Variants in HCN1 observed in about 807,000 individuals in gnomAD.
HCN1 encodes the protein hyperpolarization activated cyclic nucleotide gated potassium channel 1.
A neutral mutation model predicts 78.9 loss-of-function variants in HCN1; 13 were observed. The ratio of observed to expected loss-of-function variants is 0.16; its 90% confidence interval spans 0.11 to 0.26. The LOEUF (loss-of-function observed/expected upper bound fraction) is 0.26, where lower values mean the gene tolerates loss of function less well. Among genes scored for constraint, HCN1 ranks in the 10% least tolerant of loss-of-function variants. HCN1 has a pLI of 1.00. For synonymous variants in HCN1, 552 were observed against 455.5 expected, an observed-to-expected ratio of 1.21 and a Z score of -2.70; for missense variants, 810 against 1,154.3, an observed-to-expected ratio of 0.70 and a Z score of 4.32.
intron 2 of HCN1, among the ~76,000 whole-genome samples, chr5:45,499,563 C>G (rs1436964956): frequency 6.6e-6 from 1 of 152,200 alleles, no homozygotes; most frequent in Non-Finnish European, 1.5e-5. Flanking sequence ...GTCGCTTACG[C>G]TGGGAGCTGT....
intron 1 of HCN1, among the ~76,000 whole-genome samples, chr5:45,679,721 TA>T (rs1391315698): frequency 6.6e-6 from 1 of 152,100 alleles, no homozygotes; most frequent in Admixed American, 6.6e-5. Flanking sequence ...AGTAGATATT[TA>T]AAAAATCACA....
intron 6 of HCN1, among the ~76,000 whole-genome samples, chr5:45,298,850 C>T (rs1399720599): frequency 6.6e-6 from 1 of 151,954 alleles, no homozygotes; most frequent in Non-Finnish European, 1.5e-5. Flanking sequence ...AGATGTCTGA[C>T]AAACCCTAAC....
intron 2 of HCN1, among the ~76,000 whole-genome samples, chr5:45,489,005 G>A (rs538418854): frequency 3.9e-5 from 6 of 152,208 alleles, no homozygotes; most frequent in East Asian, 1.9e-4. Context: ...ATCTTGTCCC[G>A]AAATATGAAA....
chr5:45,321,598 A>AGCACGTAGAATTAAACCACAGCTTTAT (rs1746127518), intron 5 of HCN1, among the ~76,000 whole-genome samples: 2 of 151,870 alleles, frequency 1.3e-5, no homozygotes, highest in African/African-American at 4.8e-5. Flanking sequence ...TCTTTAATCT[A>AGCACGTAGAATTAAACCACAGCTTTAT]AAATTTTGCC....
intron 1 of HCN1, among the ~76,000 whole-genome samples, chr5:45,663,087 T>A (rs902043426): frequency 6.7e-6 from 1 of 149,764 alleles, no homozygotes. Context: ...CAAAACAGCA[T>A]GGTACTGGTA....
chr5:45,675,759 A>T (rs1465061131), intron 1 of HCN1, among the ~76,000 whole-genome samples: 1 of 151,874 alleles, frequency 6.6e-6, no homozygotes, highest in African/African-American at 2.4e-5. Flanking sequence ...GTGAACAATT[A>T]TGTTATACCA....
chr5:45,374,328 A>G lies in HCN1; in HGVS notation c.1231-21082T>C, dbSNP rs186815451. ...ATACATTATATACATTATATACATT[A>G]TATACATTATATATATATAATATAC... On this transcript the variant is annotated intron_variant, in intron 4 of 7. Coordinates refer to ENST00000303230, the MANE Select transcript of HCN1 (RefSeq NM_021072.4). 8.0e-4 allele frequency among the ~76,000 whole-genome samples: 110 copies of G among 136,770 alleles called. 1 individual carries two copies. The East Asian group carries it at 8.5e-3, about 11-fold the overall frequency. The allele number at this position is 136,770 out of a possible 152,430, so 89.7% of individuals were successfully genotyped here.
At chr5:45,366,226 T>C (rs1747234549) in intron 4 of HCN1, among the ~76,000 whole-genome samples, 1 of 151,510 alleles carries the variant, frequency 6.6e-6, no homozygotes, top group African/African-American at 2.4e-5. Context: ...ATGTTATGTG[T>C]GTGTGTGGTA....
At chr5:45,315,739 C>T (rs979614225) in intron 5 of HCN1, among the ~76,000 whole-genome samples, 2 of 152,084 alleles carry the variant, frequency 1.3e-5, no homozygotes, top group African/African-American at 2.4e-5. Context: ...GATATCACCA[C>T]CGATCCCACA....
At position 45,390,494 on chromosome 5, in the gene HCN1, GT is replaced by G. The variant is rs541096383; in HGVS notation, c.1230+5997del. Among the ~76,000 whole-genome samples, 737 of 150,756 alleles carry G rather than the reference GT, an allele frequency of 4.9e-3. 3 individuals carry two copies. The highest frequency in any genetic ancestry group is 0.018 in the African/African-American group (705 of 40,098). On this transcript the variant is annotated intron_variant, in intron 4 of 7. Coordinates refer to ENST00000303230, the MANE Select transcript of HCN1 (RefSeq NM_021072.4). The stretch of plus-strand genomic sequence containing the variant: ...ATAAAAAGAAGCTAACATATGTGCT[GT>G]AAAAAATAATAAATGTAAACAGCAA...
chr5:45,503,919 G>A (rs1434922024), intron 2 of HCN1, among the ~76,000 whole-genome samples: 1 of 151,848 alleles, frequency 6.6e-6, no homozygotes, highest in Non-Finnish European at 1.5e-5. Context: ...CCAAGTAGCT[G>A]CAATTACATG....
intron 2 of HCN1, among the ~76,000 whole-genome samples, chr5:45,583,238 A>C (rs1462211120): frequency 8.6e-5 from 13 of 151,988 alleles, no homozygotes; most frequent in Non-Finnish European, 1.9e-4. Context: ...TCAACTTCTT[A>C]CTGGTTTAGT....
At chr5:45,635,977 A>G (rs949070613) in intron 2 of HCN1, among the ~76,000 whole-genome samples, 16 of 152,210 alleles carry the variant, frequency 1.1e-4, no homozygotes, top group African/African-American at 3.4e-4. Context: ...ATCAGACTAA[A>G]GTGAAAGACT....
At chr5:45,596,062 A>AT (rs537399248) in intron 2 of HCN1, among the ~76,000 whole-genome samples, 1,664 of 150,924 alleles carry the variant, frequency 0.011, 13 homozygotes, top group Non-Finnish European at 0.016. Flanking sequence ...CACCCGGCTA[A>AT]TTTTTTTTTG....
At chr5:45,373,629 C>G (rs575730138) in intron 4 of HCN1, among the ~76,000 whole-genome samples, 1 of 132,250 alleles carries the variant, frequency 7.6e-6, no homozygotes, top group African/African-American at 2.8e-5. Flanking sequence ...ATATTACATA[C>G]GGTATATACG....
intron 6 of HCN1, among the ~76,000 whole-genome samples, chr5:45,291,302 A>G (rs1051404341): frequency 3.3e-5 from 5 of 151,924 alleles, no homozygotes; most frequent in Non-Finnish European, 5.9e-5. Flanking sequence ...GTCTATCACT[A>G]AGATGATCAC....
intron 2 of HCN1, among the ~76,000 whole-genome samples, chr5:45,613,759 A>T (rs1051765683): frequency 3.9e-5 from 6 of 152,204 alleles, no homozygotes; most frequent in African/African-American, 1.4e-4. Context: ...TGTGGAAGGA[A>T]TTCTTTAATG....
At chr5:45,607,493 T>C (rs1323725120) in intron 2 of HCN1, among the ~76,000 whole-genome samples, 2 of 151,170 alleles carry the variant, frequency 1.3e-5, no homozygotes. Context: ...GTCTCAACAC[T>C]AGAAATTTCC....
intron 3 of HCN1, among the ~76,000 whole-genome samples, chr5:45,412,828 T>C (rs1740049341): frequency 6.6e-6 from 1 of 151,948 alleles, no homozygotes; most frequent in African/African-American, 2.4e-5. Flanking sequence ...GAAATTATTT[T>C]GGGGATGAAA....
Sources: allele counts gnomAD v4.1 joint callset (sites outside exome capture counted in the v4.1 genomes callset), GRCh38; gene constraint gnomAD v4.1.1; transcripts MANE v1.5; gene names NCBI Gene and HGNC (gene_info 2026-07-23, HGNC 2026-07-21).